RNFT2: variants seen among roughly 807,000 people sequenced by gnomAD.
RNFT2 encodes ring finger protein, transmembrane 2, also known as E3 ubiquitin-protein ligase RNFT2.
In RNFT2, 36 loss-of-function variants were observed where a neutral mutation model predicts 53.0. That is an observed-to-expected ratio of 0.68 (90% confidence interval 0.52 to 0.90). The LOEUF is 0.90. Ranked by LOEUF, RNFT2 falls within the 40% of genes least tolerant of loss-of-function variation. The pLI, the probability that RNFT2 is intolerant of heterozygous loss-of-function variation, is 0.00. For synonymous variants in RNFT2, 260 were observed against 253.2 expected, an observed-to-expected ratio of 1.03 and a Z score of -0.26; for missense variants, 514 against 585.6, an observed-to-expected ratio of 0.88 and a Z score of 1.26.
intron 5 of RNFT2, among the ~76,000 whole-genome samples, chr12:116,766,477 A>G (rs7137138): frequency 0.051 from 7,839 of 152,274 alleles, 553 homozygotes; most frequent in African/African-American, 0.15. Flanking sequence ...AAACTGAAAG[A>G]GTTTAAATAA....
intron 7 of RNFT2, among the ~76,000 whole-genome samples, chr12:116,783,923 GTACTT>G (rs1306412607): frequency 2.6e-5 from 4 of 152,208 alleles, no homozygotes; most frequent in Non-Finnish European, 5.9e-5. Context: ...ACTGTCCCAA[GTACTT>G]TACATGTACA....
At chr12:116,748,324 C>T (rs990363058) in intron 3 of RNFT2, among the ~76,000 whole-genome samples, 3 of 152,216 alleles carry the variant, frequency 2.0e-5, no homozygotes, top group Non-Finnish European at 4.4e-5. Flanking sequence ...CTCTCTGCTC[C>T]GCCAGCAGTG....
chr12:116,790,555 T>A (rs1874186480), intron 7 of RNFT2, among the ~76,000 whole-genome samples: 1 of 152,222 alleles, frequency 6.6e-6, no homozygotes, highest in African/African-American at 2.4e-5. Flanking sequence ...GCCTTTCACA[T>A]GGGCAGGCAG....
At chr12:116,766,758 TG>T in intron 5 of RNFT2, 55 bp from the exon 6 acceptor site, 1 of 1,334,794 alleles carries the variant, frequency 7.5e-7, no homozygotes, top group Non-Finnish European at 1.1e-6. Flanking sequence ...GGGTACATTC[TG>T]GAAGGTTCTG....
intron 10 of RNFT2, among the ~76,000 whole-genome samples, chr12:116,844,787 C>G (rs1877519617): frequency 6.6e-6 from 1 of 152,164 alleles, no homozygotes; most frequent in Non-Finnish European, 1.5e-5. Context: ...ATTCACTTAA[C>G]CAAGTCTATG....
At chr12:116,766,307 A>G (rs1304231036) in intron 5 of RNFT2, among the ~76,000 whole-genome samples, 2 of 152,026 alleles carry the variant, frequency 1.3e-5, no homozygotes, top group South Asian at 2.1e-4. Context: ...ATCTTTAACA[A>G]CCCCATTTTC....
At chr12:116,819,515 C>T (rs958774890) in intron 7 of RNFT2, among the ~76,000 whole-genome samples, 2 of 152,114 alleles carry the variant, frequency 1.3e-5, no homozygotes, top group Non-Finnish European at 2.9e-5. Flanking sequence ...GGACAGCCGG[C>T]CGCCCGACGC....
At chr12:116,764,547 C>T (rs978689342) in intron 5 of RNFT2, among the ~76,000 whole-genome samples, 6 of 152,308 alleles carry the variant, frequency 3.9e-5, no homozygotes, top group African/African-American at 1.2e-4. Context: ...GAGGTCCTTC[C>T]TGACCCTTAG....
chr12:116,753,135 CTTTTTTCTTTTTCTTTTTTT>C lies in RNFT2; in HGVS notation c.551-842_551-823del, dbSNP rs1245413381. Among the ~76,000 whole-genome samples the C allele has an allele frequency of 2.1e-3, 259 of 125,334 alleles. 1 individual carries two copies. The highest frequency in any genetic ancestry group is 7.1e-3 in the African/African-American group (245 of 34,444). The allele number at this position is 125,334 out of a possible 152,430, so 82.2% of individuals were successfully genotyped here. A position where few individuals can be genotyped will look rare whatever the true frequency, so the allele number is the denominator to read the frequency against. On this transcript the variant is annotated intron_variant, in intron 4 of 10. Coordinates refer to ENST00000257575, the MANE Select transcript of RNFT2 (RefSeq NM_001382266.1). The stretch of plus-strand genomic sequence containing the variant: ...ATGGCGTTGTAAGTTTTTTCTTTTT[CTTTTTTCTTTTTCTTTTTTT>C]TTTTTTTTTTTTTGAGACAGAGTCT...
intron 4 of RNFT2, among the ~76,000 whole-genome samples, chr12:116,753,621 T>A (rs894799207): frequency 6.6e-6 from 1 of 152,166 alleles, no homozygotes; most frequent in Non-Finnish European, 1.5e-5. Flanking sequence ...CTGTCCATTT[T>A]ACAGATGAGG....
rs145879851 is a variant in RNFT2 at position 116,818,157 on chromosome 12, A to G, written c.883-15635A>G. 2.5e-3 allele frequency among the ~76,000 whole-genome samples: 379 copies of G among 152,168 alleles called. 3 individuals carry two copies. The highest frequency in any genetic ancestry group is 8.5e-3 in the African/African-American group (353 of 41,524). The stretch of plus-strand genomic sequence containing the variant: ...ACAGGGGAGACCCCCTCTCTACAAA[A>G]AAAGTCTTTAAAAAATTATCTGGGG... On this transcript the variant is annotated intron_variant, in intron 7 of 10. Coordinates refer to ENST00000257575, the MANE Select transcript of RNFT2 (RefSeq NM_001382266.1).
At chr12:116,830,118 G>A (rs973281449) in intron 7 of RNFT2, among the ~76,000 whole-genome samples, 11 of 152,000 alleles carry the variant, frequency 7.2e-5, no homozygotes, top group African/African-American at 1.7e-4. Context: ...GTAATGCTGC[G>A]AGTTCCCATA....
intron 7 of RNFT2, among the ~76,000 whole-genome samples, chr12:116,784,191 T>C (rs1459280143): frequency 5.9e-5 from 9 of 152,224 alleles, no homozygotes; most frequent in Non-Finnish European, 1.3e-4. Flanking sequence ...ACAGATTCAC[T>C]TCTGTAAGTA....
chr12:116,774,257 T>G (rs1290843176), intron 6 of RNFT2, among the ~76,000 whole-genome samples: 2 of 152,200 alleles, frequency 1.3e-5, no homozygotes, highest in Non-Finnish European at 2.9e-5. Context: ...GTACTTAGCA[T>G]CATTGAACTG....
At chr12:116,844,813 T>C (rs1045121265) in intron 10 of RNFT2, among the ~76,000 whole-genome samples, 1 of 152,188 alleles carries the variant, frequency 6.6e-6, no homozygotes, top group Admixed American at 6.6e-5. Flanking sequence ...AGGGGTTGTG[T>C]TGCATTCTCC....
At chr12:116,797,203 C>A (rs1392420368) in intron 7 of RNFT2, among the ~76,000 whole-genome samples, 3 of 152,180 alleles carry the variant, frequency 2.0e-5, no homozygotes, top group Non-Finnish European at 2.9e-5. Context: ...CTGTGCCCCC[C>A]AAAATATGTG....
chr12:116,789,916 G>C (rs1462426082), intron 7 of RNFT2, among the ~76,000 whole-genome samples: 1 of 149,800 alleles, frequency 6.7e-6, no homozygotes, highest in Non-Finnish European at 1.5e-5. Context: ...GATGGTAGAT[G>C]GATGGATGGG....
chr12:116,764,387 G>A (rs1872820527), intron 5 of RNFT2, among the ~76,000 whole-genome samples: 3 of 152,064 alleles, frequency 2.0e-5, no homozygotes, highest in East Asian at 1.9e-4. Flanking sequence ...CTCCTGCACA[G>A]GTGATCCCAT....
At position 116,836,186 on chromosome 12, in the gene RNFT2, T is replaced by G; in HGVS notation, c.1104T>G (p.Tyr368Ter). Residue 368 changes from tyrosine (Y) to a stop codon, truncating the protein, a stop_gained, in exon 10 of 11, where the codon TAT (tyrosine) becomes TAG (stop). Transcript: ENST00000257575. LOFTEE classifies it high-confidence loss of function. ...GCTTCTCCCCTCCCTCAAAGAACTA[T>G]GGAGTCCGAGCCACCGGGCAGCAGT... ...ALKLLCTSQNYGVRATGQQCT... is the reference protein window; with the variant it reads ...ALKLLCTSQN 6.3e-7 allele frequency: 1 copy of G among 1,595,648 alleles called. No homozygotes were observed. The highest frequency in any genetic ancestry group is 8.5e-7 in the Non-Finnish European group (1 of 1,170,980).
Sources: allele counts gnomAD v4.1 joint callset (sites outside exome capture counted in the v4.1 genomes callset), GRCh38; gene constraint gnomAD v4.1.1; transcripts MANE v1.5; gene names NCBI Gene and HGNC (gene_info 2026-07-23, HGNC 2026-07-21).